HERC3: variants seen among roughly 807,000 people sequenced by gnomAD.
The protein encoded by HERC3 is HECT and RLD domain containing E3 ubiquitin protein ligase 3.
Under a neutral mutation model 129.9 loss-of-function variants are expected in HERC3, and 58 were observed. The observed-to-expected ratio is 0.45, with a 90% CI of 0.36 to 0.56. The LOEUF is 0.56. Among genes scored for constraint, HERC3 ranks in the 20% least tolerant of loss-of-function variants. The probability of loss-of-function intolerance (pLI) is 0.00; values close to 1 mark genes in which losing one functional copy is unlikely to be tolerated. For missense variants in HERC3, 835 were observed against 1,244.2 expected, an observed-to-expected ratio of 0.67 and a Z score of 4.95; for synonymous variants, 430 against 451.0, an observed-to-expected ratio of 0.95 and a Z score of 0.59.
At chr4:88,566,079 T>C in the HERC3 span, among the ~76,000 whole-genome samples, 1 of 152,134 alleles carries the variant, frequency 6.6e-6, no homozygotes. Flanking sequence ...CACCCATGTA[T>C]TAAGCCCATT....
At chr4:88,697,649 C>G (rs1734767776) in intron 23 of HERC3, 6 of 1,613,616 alleles carry the variant, frequency 3.7e-6, no homozygotes, top group Non-Finnish European at 5.1e-6. Context: ...CTGTCACAGT[C>G]TCCACCCTGC....
the HERC3 span, among the ~76,000 whole-genome samples, chr4:88,562,732 T>G: frequency 6.6e-6 from 1 of 152,206 alleles, no homozygotes; most frequent in Non-Finnish European, 1.5e-5. Context: ...ATATCCAGTT[T>G]TCTCAGCACC....
chr4:88,596,810 A>G (rs941409032), intron 2 of HERC3, among the ~76,000 whole-genome samples: 3 of 152,340 alleles, frequency 2.0e-5, no homozygotes, highest in Middle Eastern at 3.4e-3. Flanking sequence ...TACTGCCTCC[A>G]CAATCATTAC....
At chr4:88,539,361 G>C in the HERC3 span, among the ~76,000 whole-genome samples, 4 of 152,138 alleles carry the variant, frequency 2.6e-5, no homozygotes, top group African/African-American at 9.7e-5. Context: ...TGCAGCCTCG[G>C]GGGGAGAGGG....
chr4:88,565,607 A>G, the HERC3 span, among the ~76,000 whole-genome samples: 9,163 of 151,908 alleles, frequency 0.06, 412 homozygotes, highest in Middle Eastern at 0.13. Flanking sequence ...TTTTCAGTTT[A>G]TGTGTGTCTT....
At chr4:88,537,105 C>A in the HERC3 span, among the ~76,000 whole-genome samples, 1 of 152,182 alleles carries the variant, frequency 6.6e-6, no homozygotes, top group South Asian at 2.1e-4. Context: ...TCTTACATCA[C>A]CACAGGACAA....
intron 23 of HERC3, among the ~76,000 whole-genome samples, chr4:88,689,341 C>T (rs1326355276): frequency 2.4e-5 from 3 of 126,496 alleles, no homozygotes; most frequent in African/African-American, 3.4e-5. Flanking sequence ...CAAGTCTCTA[C>T]AAAAAAGTAA....
intron 14 of HERC3, 86 bp downstream of exon 14, chr4:88,668,167 A>G: frequency 9.2e-7 from 1 of 1,081,350 alleles, no homozygotes; most frequent in Non-Finnish European, 1.4e-6. Flanking sequence ...TTGAGATCCA[A>G]GAATCTATTT....
chr4:88,678,858 C>A (rs1466488191), intron 19 of HERC3, among the ~76,000 whole-genome samples: 2 of 152,202 alleles, frequency 1.3e-5, no homozygotes, highest in African/African-American at 4.8e-5. Context: ...TCAGTCGTAT[C>A]AATCTGCCTG....
chr4:88,704,072 A>G (rs1437137033), intron 23 of HERC3, 26 bp from the exon 24 acceptor site: 1 of 1,603,350 alleles, frequency 6.2e-7, no homozygotes, highest in African/African-American at 1.3e-5. Context: ...TTTGAGCTAA[A>G]TGTATTTTCT....
the HERC3 span, among the ~76,000 whole-genome samples, chr4:88,581,251 A>C: frequency 1.3e-5 from 2 of 151,776 alleles, no homozygotes; most frequent in Non-Finnish European, 2.9e-5. Context: ...GTTGAGAGTT[A>C]TTTTATCTGC....
chr4:88,524,503 T>G, the HERC3 span, among the ~76,000 whole-genome samples: 1 of 152,204 alleles, frequency 6.6e-6, no homozygotes, highest in African/African-American at 2.4e-5. Context: ...GTGACCATGT[T>G]AGATCTCTTT....
At chr4:88,646,743 G>A (rs1025431439) in intron 3 of HERC3, among the ~76,000 whole-genome samples, 1 of 152,152 alleles carries the variant, frequency 6.6e-6, no homozygotes, top group African/African-American at 2.4e-5. Context: ...GCTGACCTAG[G>A]GGGTAGATTC....
chr4:88,653,128 A>G, intron 6 of HERC3, 38 bp downstream of exon 6: 2 of 1,591,820 alleles, frequency 1.3e-6, no homozygotes, highest in East Asian at 2.2e-5. Context: ...TTAGTTTAAA[A>G]GCACATTCAT....
intron 21 of HERC3, among the ~76,000 whole-genome samples, chr4:88,683,872 A>G (rs1733092544): frequency 6.6e-6 from 1 of 152,208 alleles, no homozygotes; most frequent in Non-Finnish European, 1.5e-5. Flanking sequence ...CAAACTCACA[A>G]ACTTTCTTAA....
At chr4:88,617,753 C>A (rs1725072139) in intron 3 of HERC3, among the ~76,000 whole-genome samples, 1 of 152,006 alleles carries the variant, frequency 6.6e-6, no homozygotes, top group South Asian at 2.1e-4. Context: ...CACCTGTATT[C>A]CCAGCTACTC....
the HERC3 span, among the ~76,000 whole-genome samples, chr4:88,557,609 G>T: frequency 1.3e-5 from 2 of 152,148 alleles, no homozygotes; most frequent in Non-Finnish European, 2.9e-5. Flanking sequence ...ATCATTCTGT[G>T]TAGTCTCATT....
the HERC3 span, among the ~76,000 whole-genome samples, chr4:88,573,728 A>G: frequency 2.6e-5 from 4 of 152,212 alleles, no homozygotes; most frequent in African/African-American, 7.2e-5. Context: ...GATTTAAAAC[A>G]GCACCTGGCT....
intron 23 of HERC3, chr4:88,697,305 C>T (rs968482141): frequency 9.3e-6 from 15 of 1,610,682 alleles, no homozygotes; most frequent in Non-Finnish European, 1.2e-5. Flanking sequence ...CGTCTTCCCC[C>T]TCCTCCTCGT....
Sources: gnomAD v4.1 joint callset for allele counts (sites outside exome capture counted in the v4.1 genomes callset) on GRCh38, gnomAD v4.1.1 for gene constraint, MANE v1.5 for transcripts, NCBI Gene and HGNC (gene_info 2026-07-23, HGNC 2026-07-21) for gene names.